The following PLEKHA6 variants were observed in gnomAD, a reference collection of about 807,000 sequenced individuals.
PLEKHA6 encodes pleckstrin homology domain containing A6.
A neutral mutation model predicts 116.7 loss-of-function variants in PLEKHA6; 60 were observed. That is an observed-to-expected ratio of 0.51 (90% CI 0.42 to 0.64). The LOEUF is 0.64. Ranked by LOEUF, PLEKHA6 falls within the 30% of genes least tolerant of loss-of-function variation. The pLI, the probability that PLEKHA6 is intolerant of heterozygous loss-of-function variation, is 0.00. For missense variants in PLEKHA6, 1,338 were observed against 1,422.7 expected (o/e 0.94, Z 0.96); for synonymous variants, 489 against 556.1 (o/e 0.88, Z 1.70).
At chr1:204,362,496 G>A (rs1302816231), upstream of PLEKHA6, among the ~76,000 whole-genome samples, 8 of 152,060 alleles carry the variant, frequency 5.3e-5, no homozygotes, top group Non-Finnish European at 1.0e-4. Context: ...TACAGTCTTG[G>A]TGGCCACTAA....
chr1:204,300,488 G>A (rs1021821681), intron 1 of PLEKHA6, among the ~76,000 whole-genome samples: 1 of 152,198 alleles, frequency 6.6e-6, no homozygotes, highest in Admixed American at 6.5e-5. Flanking sequence ...CTTCTTGTAA[G>A]CCACAAAGTT....
intron 1 of PLEKHA6, among the ~76,000 whole-genome samples, chr1:204,283,353 A>G (rs1668837115): frequency 2.0e-5 from 3 of 152,366 alleles, no homozygotes; most frequent in African/African-American, 7.2e-5. Context: ...TCATTTTAAC[A>G]GTAAAACAAT....
chr1:204,315,089 T>C (rs916227483), intron 1 of PLEKHA6, among the ~76,000 whole-genome samples: 1 of 152,212 alleles, frequency 6.6e-6, no homozygotes, highest in Non-Finnish European at 1.5e-5. Context: ...TGAGACAAAC[T>C]GGACTTTGAT....
chr1:204,336,544 C>A (rs747057954), intron 1 of PLEKHA6, among the ~76,000 whole-genome samples: 2 of 151,644 alleles, frequency 1.3e-5, no homozygotes, highest in South Asian at 2.1e-4. Context: ...GGGCAGACCT[C>A]CTGAAAGAGG....
chr1:204,323,618 C>T (rs1200757895), intron 1 of PLEKHA6, among the ~76,000 whole-genome samples: 1 of 152,346 alleles, frequency 6.6e-6, no homozygotes, highest in East Asian at 1.9e-4. Flanking sequence ...AACTGGAAAG[C>T]TTCAACAAGG....
rs1179729877 is a variant in PLEKHA6 at position 204,220,732 on chromosome 1, C to CAT, written c.*2054_*2055dup. 9.8e-5 allele frequency: 15 copies of CAT among 152,446 alleles called. No individual in the cohort carries two copies. The highest frequency in any genetic ancestry group is 3.9e-4 in the Admixed American group (6 of 15,254). 9.4% of individuals were successfully genotyped at this position (152,446 alleles called of 1,614,324 possible). On this transcript the variant is annotated 3_prime_UTR_variant, in exon 23 of 23. Coordinates refer to ENST00000272203, the MANE Select transcript of PLEKHA6 (RefSeq NM_014935.5). The stretch of plus-strand genomic sequence containing the variant: ...ATCAGACATCCAAACAAATATATTA[C>CAT]ATATATAGATCTATAATATGTATAA...
At chr1:204,243,156 G>A in intron 15 of PLEKHA6, 1 of 399,426 alleles carries the variant, frequency 2.5e-6, no homozygotes, top group Non-Finnish European at 4.4e-6. Context: ...AGGAAGGGGA[G>A]CTGGGGTAGG....
chr1:204,246,645 C>A (rs1330219643), intron 13 of PLEKHA6, among the ~76,000 whole-genome samples: 2 of 152,092 alleles, frequency 1.3e-5, no homozygotes, highest in Non-Finnish European at 2.9e-5. Context: ...AGAGGCAGGG[C>A]CTGGGTGAAG....
intron 1 of PLEKHA6, among the ~76,000 whole-genome samples, chr1:204,280,653 A>T (rs1668502328): frequency 6.6e-6 from 1 of 152,186 alleles, no homozygotes; most frequent in African/African-American, 2.4e-5. Flanking sequence ...TCTCCCAGCT[A>T]GCAAATTCCA....
At chr1:204,255,308 C>T (rs2102710646) in intron 9 of PLEKHA6, among the ~76,000 whole-genome samples, 1 of 152,276 alleles carries the variant, frequency 6.6e-6, no homozygotes, top group East Asian at 1.9e-4. Flanking sequence ...ACTCCCTCCT[C>T]TCGCCAGAAA....
At position 204,221,425 on chromosome 1, in the gene PLEKHA6, G is replaced by A. The variant is rs1659625132; in HGVS notation, c.*1363C>T. 6.6e-6 allele frequency: 1 copy of A among 152,634 alleles called. No individual in the cohort carries two copies. The allele number at this position is 152,634 out of a possible 1,614,324, so 9.5% of individuals were successfully genotyped here. A position where few individuals can be genotyped will look rare whatever the true frequency, so the allele number is the denominator to read the frequency against. On this transcript the variant is annotated 3_prime_UTR_variant, in exon 23 of 23. Transcript: ENST00000272203. Reference sequence around the variant, plus strand: ...CCTCTCTGGCTACATTCGTCTCCAGGTGGGTGGAGCTGAGGAGGAATGCGT... The same window carrying A: ...CCTCTCTGGCTACATTCGTCTCCAGATGGGTGGAGCTGAGGAGGAATGCGT...
At chr1:204,361,925 C>A (rs2103394901), upstream of PLEKHA6, among the ~76,000 whole-genome samples, 1 of 152,360 alleles carries the variant, frequency 6.6e-6, no homozygotes, top group South Asian at 2.1e-4. Flanking sequence ...AATCCTCAGG[C>A]AGCTGGAAAA....
At chr1:204,252,882 T>C (rs1474247390) in intron 9 of PLEKHA6, among the ~76,000 whole-genome samples, 1 of 152,202 alleles carries the variant, frequency 6.6e-6, no homozygotes, top group African/African-American at 2.4e-5. Flanking sequence ...CAGTAACCTG[T>C]AGGTATCTCA....
chr1:204,257,744 G>T lies in PLEKHA6; in HGVS notation c.1133C>A (p.Pro378Gln). ...GVRPESICSMPAYDRISPPWA... is the reference protein window; with the variant it reads ...GVRPESICSMQAYDRISPPWA... ...GGGCGGGCTGATCCGATCATAGGCCGGCATGGAACAGATGCTCTCCGGCCG... is the reference window on the plus strand; with the variant it reads ...GGGCGGGCTGATCCGATCATAGGCCTGCATGGAACAGATGCTCTCCGGCCG... The change falls in exon 9 of 23, where the codon CCG (proline) becomes CAG (glutamine). Residue 378 changes from proline to glutamine, a missense_variant. Physicochemically the swap from Pro to Gln is moderately conservative, Grantham distance 76 (BLOSUM62 -1). Transcript: ENST00000272203. The surrounding 1 kb of genome is among the most constrained non-coding windows in gnomAD (Gnocchi z 6.5). The T allele has an allele frequency of 6.2e-7, 1 of 1,613,576 alleles. No individual in the cohort carries two copies. The highest frequency in any genetic ancestry group is 1.3e-5 in the African/African-American group (1 of 75,030).
At position 204,259,705 on chromosome 1, in the gene PLEKHA6, C is replaced by T; in HGVS notation, c.560G>A (p.Ser187Asn). ...EKPDSENVPP[S>N]KHHQQPPHNS... The stretch of plus-strand genomic sequence containing the variant: ...GTGGGGTGGCTGCTGGTGGTGCTTG[C>T]TGGGTGGGACGTTCTCCGAGTCTGG... The change falls in exon 8 of 23, where the codon AGC becomes AAC. Residue 187 changes from serine to asparagine, a missense_variant. This residue lies in a region of PLEKHA6 where 140 missense variants were observed against 197.4 expected (regional missense o/e 0.71). Transcript: ENST00000272203. The surrounding 1 kb of genome is among the most constrained non-coding windows in gnomAD (Gnocchi z 4.6). 6.2e-7 allele frequency: 1 copy of T among 1,613,012 alleles called. No individual in the cohort carries two copies. The highest frequency in any genetic ancestry group is 8.5e-7 in the Non-Finnish European group (1 of 1,179,414).
At chr1:204,255,051 C>T (rs1356470886) in intron 9 of PLEKHA6, among the ~76,000 whole-genome samples, 1 of 152,148 alleles carries the variant, frequency 6.6e-6, no homozygotes, top group African/African-American at 2.4e-5. Flanking sequence ...TGATAATACT[C>T]CCTCTGTTTG....
intron 1 of PLEKHA6, among the ~76,000 whole-genome samples, chr1:204,294,741 A>G (rs1430477476): frequency 6.6e-6 from 1 of 152,166 alleles, no homozygotes; most frequent in Non-Finnish European, 1.5e-5. Flanking sequence ...CTGTGCTTTC[A>G]TTCCCCCATC....
chr1:204,224,456 G>A (rs1356354499), intron 21 of PLEKHA6, among the ~76,000 whole-genome samples: 4 of 151,744 alleles, frequency 2.6e-5, no homozygotes, highest in East Asian at 1.9e-4. Flanking sequence ...CATTTCCACC[G>A]AGAGAGGGGA....
chr1:204,360,917 T>A (rs1414282280), upstream of PLEKHA6, among the ~76,000 whole-genome samples: 2 of 152,190 alleles, frequency 1.3e-5, no homozygotes, highest in African/African-American at 4.8e-5. Context: ...TTTATCCACA[T>A]CTCTCTCAGT....
Sources: gnomAD v4.1 joint callset for allele counts (sites outside exome capture counted in the v4.1 genomes callset) on GRCh38, gnomAD v4.1.1 for gene constraint, gnomAD v4.1.1 regional missense constraint, Gnocchi (gnomAD v3.1) non-coding constraint, MANE v1.5 for transcripts, NCBI Gene and HGNC (gene_info 2026-07-23, HGNC 2026-07-21) for gene names.